The following COMMD10 variants were observed in gnomAD, a reference collection of about 807,000 sequenced individuals.
COMMD10 encodes COMM domain containing 10.
In COMMD10, 33 loss-of-function variants were observed where a neutral mutation model predicts 28.9. The observed-to-expected ratio is 1.14, with a 90% CI of 0.87 to 1.53. COMMD10 has a LOEUF of 1.53. COMMD10 is among the 40% of genes most tolerant of loss of function. The pLI is 0.00. For synonymous variants in COMMD10, 110 were observed against 81.7 expected, an observed-to-expected ratio of 1.35 and a Z score of -1.87; for missense variants, 310 against 233.4, an observed-to-expected ratio of 1.33 and a Z score of -2.14.
chr5:116,121,227 C>T lies in COMMD10; in HGVS notation c.400-12841C>T, dbSNP rs537350292. ...GTTCCCACCTATGAGTGAGAACATG[C>T]GGTGTTTGGTTTTCTGTCCTTGTGA... On this transcript the variant is annotated intron_variant, in intron 4 of 6. Transcript: ENST00000274458. Among the ~76,000 whole-genome samples, 31 of 152,084 alleles carry T rather than the reference C, an allele frequency of 2.0e-4. No homozygotes were observed. In the East Asian group the frequency reaches 3.3e-3, roughly 16 times the overall value.
intron 5 of COMMD10, among the ~76,000 whole-genome samples, chr5:116,231,999 T>C (rs1749541549): frequency 2.0e-5 from 3 of 152,064 alleles, no homozygotes; most frequent in Non-Finnish European, 4.4e-5. Flanking sequence ...GTCATCTAAA[T>C]TAGTTGTAGT....
intron 5 of COMMD10, among the ~76,000 whole-genome samples, chr5:116,274,359 A>G (rs1750845468): frequency 6.6e-6 from 1 of 151,896 alleles, no homozygotes; most frequent in Admixed American, 6.6e-5. Flanking sequence ...TGCAGACTAT[A>G]CAGCTCTGCT....
Position 116,270,104 on chromosome 5 carries a change from T to C in COMMD10, c.511-21413T>C, listed in dbSNP as rs540809133. ...AAGAATTATGTTTTTGAGTATTTTG[T>C]CCATTGTTTCTTATTTCCTACTTTA... is the stretch of plus-strand genomic sequence containing the variant. On this transcript the variant is annotated intron_variant, in intron 5 of 6. Coordinates refer to ENST00000274458, the MANE Select transcript of COMMD10 (RefSeq NM_016144.4). 3.9e-5 allele frequency among the ~76,000 whole-genome samples: 6 copies of C among 152,056 alleles called. No individual in the cohort carries two copies. In the East Asian group the frequency reaches 1.2e-3, roughly 29 times the overall value.
intron 5 of COMMD10, among the ~76,000 whole-genome samples, chr5:116,248,873 C>T (rs1001174328): frequency 8.6e-5 from 13 of 151,922 alleles, no homozygotes; most frequent in Non-Finnish European, 1.6e-4. Context: ...AGCAATTTCT[C>T]ACCATGCATA....
chr5:116,274,406 A>T (rs1750846339), intron 5 of COMMD10, among the ~76,000 whole-genome samples: 1 of 151,850 alleles, frequency 6.6e-6, no homozygotes, highest in Non-Finnish European at 1.5e-5. Context: ...ACTATATAAA[A>T]GAATGAGTGT....
chr5:116,190,887 A>ATT (rs1279427270), intron 5 of COMMD10, among the ~76,000 whole-genome samples: 1 of 152,216 alleles, frequency 6.6e-6, no homozygotes, highest in Admixed American at 6.5e-5. Context: ...TTAAGTGAAT[A>ATT]TTTAAGTCAT....
chr5:116,226,468 C>A (rs1301037553), intron 5 of COMMD10, among the ~76,000 whole-genome samples: 1 of 138,002 alleles, frequency 7.2e-6, no homozygotes, highest in Non-Finnish European at 1.5e-5. Flanking sequence ...GATGGACTTT[C>A]CTCAGTTTCT....
chr5:116,144,810 G>A (rs1019694137), intron 5 of COMMD10, among the ~76,000 whole-genome samples: 4 of 151,844 alleles, frequency 2.6e-5, no homozygotes, highest in African/African-American at 9.7e-5. Flanking sequence ...TAGTGATACA[G>A]GTAACTTTCG....
Position 116,205,751 on chromosome 5 carries a change from G to GT in COMMD10, c.510+71575dup, listed in dbSNP as rs546339739. On this transcript the variant is annotated intron_variant, in intron 5 of 6. Coordinates refer to ENST00000274458, the MANE Select transcript of COMMD10 (RefSeq NM_016144.4). ...CAAGATGGCGCCTTTTAAGAAATAA[G>GT]TTGTTATAACAGTTCCTTTCAGCTT... 2.6e-3 allele frequency among the ~76,000 whole-genome samples: 392 copies of GT among 152,188 alleles called. 1 individual carries two copies. The highest frequency in any genetic ancestry group is 4.4e-3 in the Non-Finnish European group (302 of 67,984).
chr5:116,220,965 T>C (rs1405677123), intron 5 of COMMD10, among the ~76,000 whole-genome samples: 1 of 152,180 alleles, frequency 6.6e-6, no homozygotes, highest in Admixed American at 6.5e-5. Context: ...TTCTTCATAG[T>C]TGTTTGGTGC....
intron 4 of COMMD10, among the ~76,000 whole-genome samples, chr5:116,097,724 C>T (rs1282509088): frequency 1.3e-5 from 2 of 152,098 alleles, no homozygotes; most frequent in East Asian, 3.8e-4. Flanking sequence ...ATCTGCTTGG[C>T]TTCTGGGGAG....
intron 5 of COMMD10, among the ~76,000 whole-genome samples, chr5:116,241,614 A>G (rs918688986): frequency 3.4e-4 from 51 of 149,650 alleles, no homozygotes; most frequent in African/African-American, 1.2e-3. Flanking sequence ...TTATTTATTT[A>G]TTTATTTATT....
intron 5 of COMMD10, among the ~76,000 whole-genome samples, chr5:116,247,772 G>C (rs1316997384): frequency 1.3e-5 from 2 of 151,994 alleles, no homozygotes; most frequent in African/African-American, 4.8e-5. Context: ...AGAACACATG[G>C]ATACATACAG....
chr5:116,106,804 C>T (rs1750855223), intron 4 of COMMD10, among the ~76,000 whole-genome samples: 1 of 152,086 alleles, frequency 6.6e-6, no homozygotes, highest in Non-Finnish European at 1.5e-5. Flanking sequence ...TGCAACCCCT[C>T]CTTTTTTTTG....
At chr5:116,253,720 T>G (rs1247813297) in intron 5 of COMMD10, among the ~76,000 whole-genome samples, 1 of 149,412 alleles carries the variant, frequency 6.7e-6, no homozygotes, top group African/African-American at 2.5e-5. Flanking sequence ...TGAGGATTTT[T>G]GCATCAATGT....
chr5:116,243,022 C>T (rs1176537790), intron 5 of COMMD10, among the ~76,000 whole-genome samples: 2 of 152,026 alleles, frequency 1.3e-5, no homozygotes, highest in Non-Finnish European at 2.9e-5. Flanking sequence ...TTCCTTTGAT[C>T]CTGTTTTTCT....
chr5:116,202,386 T>C (rs1035258965), intron 5 of COMMD10, among the ~76,000 whole-genome samples: 2 of 151,962 alleles, frequency 1.3e-5, no homozygotes, highest in Admixed American at 6.6e-5. Flanking sequence ...TTTATAGTCC[T>C]TTGGGTATAT....
intron 5 of COMMD10, among the ~76,000 whole-genome samples, chr5:116,144,449 T>C (rs370461711): frequency 6.6e-6 from 1 of 151,938 alleles, no homozygotes; most frequent in African/African-American, 2.4e-5. Context: ...TAAGTATCTT[T>C]CTCTAAATTG....
intron 5 of COMMD10, among the ~76,000 whole-genome samples, chr5:116,143,468 C>A (rs879032644): frequency 6.6e-6 from 1 of 151,704 alleles, no homozygotes; most frequent in Non-Finnish European, 1.5e-5. Flanking sequence ...TACTAAAATT[C>A]TTTTAAAAAT....
Sources: allele counts gnomAD v4.1 joint callset (sites outside exome capture counted in the v4.1 genomes callset), GRCh38; gene constraint gnomAD v4.1.1; transcripts MANE v1.5; gene names NCBI Gene and HGNC (gene_info 2026-07-23, HGNC 2026-07-21).